ZXDC: variants seen among roughly 807,000 people sequenced by gnomAD.
ZXDC encodes the protein zinc finger protein ZXDC.
A neutral mutation model predicts 63.6 loss-of-function variants in ZXDC; 58 were observed. The observed-to-expected ratio is 0.91, with a 90% CI of 0.74 to 1.13. ZXDC has a LOEUF of 1.13. Among genes scored for constraint, ZXDC ranks in the 50% most tolerant of loss-of-function variants. The pLI is 0.00. For missense variants in ZXDC, 1,133 were observed against 1,148.9 expected (o/e 0.99, Z 0.20); for synonymous variants, 561 against 496.1 (o/e 1.13, Z -1.74).
At chr3:126,451,243 G>A in intron 7 of ZXDC, 1 of 985,348 alleles carries the variant, frequency 1.0e-6, no homozygotes, top group South Asian at 4.7e-5. Context: ...CTTCATGCAT[G>A]CATATGTGTA....
rs540443416 is a variant in ZXDC at position 126,459,141 on chromosome 3, T to C, written c.2212+512A>G. On this transcript the variant is annotated intron_variant, in intron 7 of 9. Coordinates refer to ENST00000389709, the MANE Select transcript of ZXDC (RefSeq NM_025112.5). ...TAGGAAGGACAGATGCTTGAGGCCA[T>C]AGGTTACCAGCTCTTGTTTGGTCTT... The C allele has an allele frequency of 1.5e-5, 15 of 985,496 alleles. No homozygotes were observed. In the East Asian group the frequency reaches 1.4e-3, roughly 89 times the overall value. The allele number at this position is 985,496 out of a possible 1,614,324, so 61.0% of individuals were successfully genotyped here.
chr3:126,446,882 A>G (rs934045701), intron 7 of ZXDC, among the ~76,000 whole-genome samples: 1 of 152,220 alleles, frequency 6.6e-6, no homozygotes, highest in Non-Finnish European at 1.5e-5. Context: ...ATTCAGTTTA[A>G]CACTGAAACA....
chr3:126,439,999 A>G (rs912240306), intron 8 of ZXDC: 1 of 1,331,280 alleles, frequency 7.5e-7, no homozygotes, highest in African/African-American at 1.5e-5. Context: ...AGTCAGCCCA[A>G]ATACTGATTT....
At chr3:126,448,168 A>G (rs1164469868) in intron 7 of ZXDC, among the ~76,000 whole-genome samples, 1 of 152,266 alleles carries the variant, frequency 6.6e-6, no homozygotes, top group African/African-American at 2.4e-5. Flanking sequence ...TGTCTTCAAT[A>G]GTTATCACAC....
chr3:126,475,329 C>T lies in ZXDC; in HGVS notation c.537G>A (p.Glu179=). The change falls in exon 1 of 10, where the codon GAG becomes GAA. Residue 179 remains glutamate, a synonymous_variant. Transcript: ENST00000389709. ...TGGCGAAGGCCAGCGCGCACTGCGG[C>T]TCGGGGCAGCGGTAGCCGGGCGTGC... The part of the protein sequence containing the change: ...GPSTPGYRCP[E]PQCALAFAKK... 5 of 1,541,256 alleles carry T rather than the reference C, an allele frequency of 3.2e-6. No individual in the cohort carries two copies. The highest frequency in any genetic ancestry group is 1.8e-6 in the Non-Finnish European group (2 of 1,142,072).
rs550060202 is a variant in ZXDC at position 126,447,992 on chromosome 3, C to T, written c.2213-6046G>A. On this transcript the variant is annotated intron_variant, in intron 7 of 9. Coordinates refer to ENST00000389709, the MANE Select transcript of ZXDC (RefSeq NM_025112.5). ...GCCTTGGGTTCAATCCTGCCGCTGC[C>T]CCTGCCCCTACCAGCTATGCAGCCC... 2.2e-4 allele frequency among the ~76,000 whole-genome samples: 34 copies of T among 152,326 alleles called. No individual in the cohort carries two copies. The South Asian group carries it at 7.0e-3, about 32-fold the overall frequency.
rs1198812795 is a variant in ZXDC at position 126,450,312 on chromosome 3, A to G, written c.2213-8366T>C. ...TGCTGGGCAAAATTCTCCTGCCCCTAAAGAAAACACAAGAGCAGACAGCTC... is the reference window on the plus strand; with the variant it reads ...TGCTGGGCAAAATTCTCCTGCCCCTGAAGAAAACACAAGAGCAGACAGCTC... On this transcript the variant is annotated intron_variant, in intron 7 of 9. Coordinates refer to ENST00000389709, the MANE Select transcript of ZXDC (RefSeq NM_025112.5). 7 of 456,498 alleles carry G rather than the reference A, an allele frequency of 1.5e-5. No individual in the cohort carries two copies. The Admixed American group carries it at 1.6e-4, about 11-fold the overall frequency. 28.3% of individuals were successfully genotyped at this position (456,498 alleles called of 1,614,324 possible). A position where few individuals can be genotyped will look rare whatever the true frequency, so the allele number is the denominator to read the frequency against.
chr3:126,462,289 A>G lies in ZXDC; in HGVS notation c.1442-69T>C, dbSNP rs1934589047. On this transcript the variant is annotated intron_variant, in intron 5 of 9. Transcript: ENST00000389709. ...AGACTGAGTACTTTTGTTTATGCCC[A>G]TGATGTTACCGAGTGATGCCCCAAG... 2.6e-6 allele frequency: 4 copies of G among 1,509,464 alleles called. No homozygotes were observed. In the Admixed American group the frequency reaches 8.4e-5, roughly 32 times the overall value. The allele number at this position is 1,509,464 out of a possible 1,614,324, so 93.5% of individuals were successfully genotyped here.
Position 126,439,759 on chromosome 3 carries a change from T to C in ZXDC, c.2395-32A>G, listed in dbSNP as rs944861880. 7.1e-6 allele frequency: 11 copies of C among 1,542,944 alleles called. No individual in the cohort carries two copies. The African/African-American group carries it at 1.5e-4, about 21-fold the overall frequency. ...AGGCAACACAGAAAGGCCTGTCACATGTCTGTGAGAGTGCAGCAAAGGTCC... is the reference window on the plus strand; with the variant it reads ...AGGCAACACAGAAAGGCCTGTCACACGTCTGTGAGAGTGCAGCAAAGGTCC... On this transcript the variant is annotated intron_variant, in intron 8 of 9. Transcript: ENST00000389709.
chr3:126,444,678 A>C (rs1933816005), intron 7 of ZXDC, among the ~76,000 whole-genome samples: 1 of 152,254 alleles, frequency 6.6e-6, no homozygotes. Context: ...TTTATAACAT[A>C]AACAAGATAA....
chr3:126,469,277 G>A (rs908750888), intron 4 of ZXDC, among the ~76,000 whole-genome samples: 6 of 152,010 alleles, frequency 3.9e-5, no homozygotes, highest in South Asian at 4.2e-4. Flanking sequence ...ATGATGATTC[G>A]GGTGCTGTCT....
rs66524784 is a variant in ZXDC, at chr3:126,442,083, T to C, written c.2213-137A>G. On this transcript the variant is annotated intron_variant, in intron 7 of 9. Transcript: ENST00000389709. ...CACAGCTAAGAGACGTAAAATCACT[T>C]AACAGAAAAAATCAAGAGTTAAGAG... 0.13 allele frequency: 131,518 copies of C among 1,015,206 alleles called. 9,283 individuals are homozygous for C. Among genetic ancestry groups the C allele is most frequent in the African/African-American group, 0.17 (10,359 of 59,828 alleles). 62.9% of individuals were successfully genotyped at this position (1,015,206 alleles called of 1,614,324 possible).
intron 7 of ZXDC, among the ~76,000 whole-genome samples, chr3:126,449,762 C>T (rs1036487913): frequency 2.6e-5 from 4 of 152,168 alleles, no homozygotes; most frequent in Non-Finnish European, 5.9e-5. Flanking sequence ...AACATAGGGA[C>T]GACCGAAAGG....
At chr3:126,473,491 G>T (rs529412406) in intron 1 of ZXDC, among the ~76,000 whole-genome samples, 8 of 152,240 alleles carry the variant, frequency 5.3e-5, no homozygotes, top group South Asian at 2.1e-4. Flanking sequence ...ACCCTCAAGA[G>T]ACCTCATGCC....
rs1934432776 is a variant in ZXDC at position 126,459,393 on chromosome 3, G to A, written c.2212+260C>T. ...CTTATTTACCTTAGTAGCCTTCCAG[G>A]TAACTGACACTGGTGTTTGAACGCT... On this transcript the variant is annotated intron_variant, in intron 7 of 9. Transcript: ENST00000389709. 4.8e-5 allele frequency: 47 copies of A among 985,298 alleles called. No individual in the cohort carries two copies. The South Asian group carries it at 1.7e-3, about 35-fold the overall frequency. The allele number at this position is 985,298 out of a possible 1,614,324, so 61.0% of individuals were successfully genotyped here.
At chr3:126,460,168 G>C in intron 6 of ZXDC, 2 of 981,040 alleles carry the variant, frequency 2.0e-6, no homozygotes, top group Non-Finnish European at 2.4e-6. Context: ...CCACTGTACA[G>C]GCTGCTCTGG....
chr3:126,451,207 C>T, intron 7 of ZXDC: 2 of 985,378 alleles, frequency 2.0e-6, no homozygotes, highest in Non-Finnish European at 2.4e-6. Context: ...AAAACATTCA[C>T]AATCTTAACA....
intron 1 of ZXDC, 118 bp downstream of exon 1, chr3:126,474,841 C>T: frequency 4.1e-6 from 5 of 1,222,934 alleles, no homozygotes; most frequent in Non-Finnish European, 4.4e-6. Flanking sequence ...ATACAAATCC[C>T]GAAGAGCCTG....
chr3:126,464,770 T>C (rs1934690542), intron 5 of ZXDC, among the ~76,000 whole-genome samples: 1 of 152,158 alleles, frequency 6.6e-6, no homozygotes, highest in African/African-American at 2.4e-5. Flanking sequence ...GGCCTGGTCA[T>C]GTGGGCCTCT....
Sources: allele counts gnomAD v4.1 joint callset (sites outside exome capture counted in the v4.1 genomes callset), GRCh38; gene constraint gnomAD v4.1.1; transcripts MANE v1.5; gene names NCBI Gene and HGNC (gene_info 2026-07-23, HGNC 2026-07-21).